The following ZNF469 variants were observed in gnomAD, a reference collection of about 807,000 sequenced individuals.
ZNF469 encodes the protein zinc finger protein 469.
Under a neutral mutation model 1.0 loss-of-function variants are expected in ZNF469, and 1 was observed. The observed-to-expected ratio is 1.00, with a 90% CI of 0.35 to 4.73. ZNF469 has a LOEUF of 4.73. Among genes scored for constraint, ZNF469 ranks in the 30% most tolerant of loss-of-function variants. The pLI is 0.16. For synonymous variants in ZNF469, 2,703 were observed against 2,363.4 expected (o/e 1.14, Z -4.17); for missense variants, 6,100 against 5,356.3 (o/e 1.14, Z -4.33).
chr16:88,186,444 G>A, the ZNF469 span, among the ~76,000 whole-genome samples: 1 of 152,194 alleles, frequency 6.6e-6, no homozygotes, highest in African/African-American at 2.4e-5. Flanking sequence ...CCCATCGTGC[G>A]CTGGGGGAAG....
At chr16:88,364,240 C>T in the ZNF469 span, among the ~76,000 whole-genome samples, 16,766 of 152,168 alleles carry the variant, frequency 0.11, 963 homozygotes, top group Middle Eastern at 0.15. Context: ...TGCAATAATT[C>T]ATTGGCACCT....
At chr16:88,250,984 T>A in the ZNF469 span, among the ~76,000 whole-genome samples, 1 of 152,150 alleles carries the variant, frequency 6.6e-6, no homozygotes, top group Non-Finnish European at 1.5e-5. Context: ...TTCAAGCGAT[T>A]CTCCTGCCTC....
chr16:88,270,770 T>C, the ZNF469 span, among the ~76,000 whole-genome samples: 1 of 152,264 alleles, frequency 6.6e-6, no homozygotes, highest in Non-Finnish European at 1.5e-5. Flanking sequence ...AGCCCATCGC[T>C]GAACACTTCT....
chr16:88,290,930 G>A, the ZNF469 span, among the ~76,000 whole-genome samples: 13 of 152,170 alleles, frequency 8.5e-5, no homozygotes, highest in East Asian at 1.9e-3. Flanking sequence ...TTAAACCCAC[G>A]TTTCCCCACA....
At chr16:88,381,579 C>G (rs2092525536), upstream of ZNF469, among the ~76,000 whole-genome samples, 3 of 152,254 alleles carry the variant, frequency 2.0e-5, 1 homozygote, top group South Asian at 6.2e-4. Context: ...TGATTGAAAT[C>G]CTGATTAACT....
chr16:88,401,336 G>A (rs1173556645), intron 1 of ZNF469, among the ~76,000 whole-genome samples: 4 of 152,232 alleles, frequency 2.6e-5, no homozygotes, highest in African/African-American at 9.6e-5. Context: ...GCTTACTCCA[G>A]GACGCCACAG....
chr16:88,123,459 C>T, the ZNF469 span, among the ~76,000 whole-genome samples: 3 of 151,480 alleles, frequency 2.0e-5, no homozygotes, highest in Non-Finnish European at 4.4e-5. Flanking sequence ...AATAAACTGC[C>T]GTGGATGAAG....
the ZNF469 span, among the ~76,000 whole-genome samples, chr16:88,368,943 C>T: frequency 6.6e-6 from 1 of 152,072 alleles, no homozygotes; most frequent in Admixed American, 6.5e-5. Context: ...GCCATGTGTG[C>T]TGGCGGTCAC....
At chr16:88,389,979 G>A (rs1028769136) in intron 1 of ZNF469, among the ~76,000 whole-genome samples, 4 of 152,250 alleles carry the variant, frequency 2.6e-5, no homozygotes, top group Middle Eastern at 3.2e-3. Flanking sequence ...TCGGCCTGCG[G>A]AGGGCCCCGC....
At chr16:88,413,440 G>A (rs73253627) in intron 1 of ZNF469, among the ~76,000 whole-genome samples, 8,432 of 152,306 alleles carry the variant, frequency 0.055, 267 homozygotes, top group African/African-American at 0.07. Flanking sequence ...CCGGCGCACC[G>A]TGGCTTTCCC....
chr16:88,327,310 C>T, the ZNF469 span, among the ~76,000 whole-genome samples: 2 of 152,338 alleles, frequency 1.3e-5, no homozygotes, highest in Admixed American at 6.5e-5. Context: ...GCCCCCGCCT[C>T]GCCACGCTGG....
At chr16:88,187,681 T>A in the ZNF469 span, among the ~76,000 whole-genome samples, 1 of 151,988 alleles carries the variant, frequency 6.6e-6, no homozygotes, top group Non-Finnish European at 1.5e-5. Context: ...TAGAAACAGT[T>A]TGAAGTAGTC....
the ZNF469 span, among the ~76,000 whole-genome samples, chr16:88,302,811 T>C: frequency 0.03 from 4,503 of 152,282 alleles, 222 homozygotes; most frequent in African/African-American, 0.1. Context: ...CACTCTCATC[T>C]ACCTCCCAGT....
At chr16:88,327,790 C>T in the ZNF469 span, among the ~76,000 whole-genome samples, 1 of 152,250 alleles carries the variant, frequency 6.6e-6, no homozygotes, top group African/African-American at 2.4e-5. Flanking sequence ...GCTGGAGAGG[C>T]CGCAGTGTGG....
At chr16:88,426,146 C>T (rs557752952) in intron 2 of ZNF469, among the ~76,000 whole-genome samples, 1 of 152,366 alleles carries the variant, frequency 6.6e-6, no homozygotes, top group East Asian at 1.9e-4. Flanking sequence ...GAGGCAGCCC[C>T]CGCCTCCACA....
the ZNF469 span, among the ~76,000 whole-genome samples, chr16:88,370,103 G>A: frequency 1.3e-5 from 2 of 152,310 alleles, no homozygotes; most frequent in Non-Finnish European, 1.5e-5. Flanking sequence ...CTTTCTGACC[G>A]CTGTCTGTCT....
rs1484014862 is a variant in ZNF469, at chr16:88,435,225, G to A, written c.7755G>A (p.Val2585=). The A allele has an allele frequency of 1.2e-5, 18 of 1,550,292 alleles. No homozygotes were observed. In the Admixed American group the frequency reaches 3.3e-4, roughly 29 times the overall value. Residue 2585 remains valine (V), a synonymous_variant, in exon 3 of 3, where the codon GTG becomes GTA. Transcript: ENST00000565624. ...GCCCTACTGAGCATGAGGTAGATGT[G>A]AAGACTCCGGCCTCCAAGCCCAGAC... ...PPSPTEHEVD[V]KTPASKPRPD...
chr16:88,117,349 T>A, the ZNF469 span, among the ~76,000 whole-genome samples: 2 of 152,198 alleles, frequency 1.3e-5, no homozygotes, highest in Non-Finnish European at 2.9e-5. Flanking sequence ...TGCAATTTCC[T>A]GTGCATCTAT....
chr16:88,428,235 G>A lies in ZNF469; in HGVS notation c.765G>A (p.Pro255=), dbSNP rs766334275. ...ATTTCGGGGTTCCCCCCGCCGAGCC[G>A]GAACCTATTCCCAAAGGCAGCAGGC... is the stretch of plus-strand genomic sequence containing the variant. ...GANFGVPPAE[P]EPIPKGSRPG... Residue 255 remains proline (P), a synonymous_variant, in exon 3 of 3, where the codon CCG becomes CCA. Coordinates refer to ENST00000565624, the MANE Select transcript of ZNF469 (RefSeq NM_001367624.2). 78 of 1,550,222 alleles carry A rather than the reference G, an allele frequency of 5.0e-5. No homozygotes were observed. Among genetic ancestry groups the A allele is most frequent in the Non-Finnish European group, 5.3e-5 (61 of 1,146,952 alleles).
Sources: gnomAD v4.1 joint callset for allele counts (sites outside exome capture counted in the v4.1 genomes callset) on GRCh38, gnomAD v4.1.1 for gene constraint, MANE v1.5 for transcripts, NCBI Gene and HGNC (gene_info 2026-07-23, HGNC 2026-07-21) for gene names.